The following KIAA1549L variants were observed in gnomAD, a reference collection of about 807,000 sequenced individuals.
KIAA1549L encodes the protein UPF0606 protein KIAA1549L.
Under a neutral mutation model 160.7 loss-of-function variants are expected in KIAA1549L, and 88 were observed. The observed-to-expected ratio is 0.55, with a 90% CI of 0.46 to 0.65. The LOEUF (loss-of-function observed/expected upper bound fraction) is 0.65, where lower values mean the gene tolerates loss of function less well. KIAA1549L is among the 30% of genes least tolerant of loss of function. KIAA1549L has a pLI of 0.00. For synonymous variants in KIAA1549L, 950 were observed against 976.7 expected, an observed-to-expected ratio of 0.97 and a Z score of 0.51; for missense variants, 2,258 against 2,437.5, an observed-to-expected ratio of 0.93 and a Z score of 1.55.
At chr11:33,502,687 T>C (rs751897378) in intron 1 of KIAA1549L, among the ~76,000 whole-genome samples, 5 of 152,212 alleles carry the variant, frequency 3.3e-5, no homozygotes, top group African/African-American at 4.8e-5. Context: ...TACCAAAATA[T>C]GCTTCATGGA....
At chr11:33,552,609 A>G (rs1854498977) in intron 6 of KIAA1549L, among the ~76,000 whole-genome samples, 1 of 149,548 alleles carries the variant, frequency 6.7e-6, no homozygotes, top group Non-Finnish European at 1.5e-5. Flanking sequence ...CTGTGATTTT[A>G]TGCATTGGCT....
At chr11:33,600,507 G>C (rs954856676) in intron 13 of KIAA1549L, among the ~76,000 whole-genome samples, 3 of 151,958 alleles carry the variant, frequency 2.0e-5, no homozygotes, top group African/African-American at 7.3e-5. Flanking sequence ...ATCCAAGATG[G>C]TGCTTCCCGC....
At chr11:33,601,935 G>A (rs1381710438) in intron 13 of KIAA1549L, among the ~76,000 whole-genome samples, 1 of 152,150 alleles carries the variant, frequency 6.6e-6, no homozygotes, top group East Asian at 1.9e-4. Context: ...ATGAGAGCTA[G>A]GATTTTGAAA....
At chr11:33,480,882 T>C (rs1852397972) in intron 1 of KIAA1549L, among the ~76,000 whole-genome samples, 1 of 152,182 alleles carries the variant, frequency 6.6e-6, no homozygotes, top group South Asian at 2.1e-4. Context: ...GGACATCACG[T>C]GGATGTAGGA....
At chr11:33,576,020 G>C (rs548015300) in intron 10 of KIAA1549L, among the ~76,000 whole-genome samples, 22 of 152,290 alleles carry the variant, frequency 1.4e-4, no homozygotes, top group African/African-American at 5.3e-4. Flanking sequence ...TGGTGAGGAG[G>C]CTCTGTGGCG....
chr11:33,594,668 C>T (rs1201936961), intron 12 of KIAA1549L, among the ~76,000 whole-genome samples: 1 of 152,190 alleles, frequency 6.6e-6, no homozygotes, highest in Non-Finnish European at 1.5e-5. Context: ...GTCTCATGGT[C>T]AAGTCCAGAC....
chr11:33,409,633 C>G (rs1052924056), intron 1 of KIAA1549L, among the ~76,000 whole-genome samples: 2 of 152,176 alleles, frequency 1.3e-5, no homozygotes, highest in African/African-American at 4.8e-5. Context: ...TTTTTCCTTT[C>G]TCTTCTCACT....
In KIAA1549L at chr11:33,545,341, G is replaced by A. The variant is rs768028202; in HGVS notation, c.3348G>A (p.Leu1116=). 21 of 1,611,970 alleles carry A rather than the reference G, an allele frequency of 1.3e-5. No homozygotes were observed. The East Asian group carries it at 1.6e-4, about 12-fold the overall frequency. Residue 1116 remains leucine (L), a synonymous_variant, in exon 3 of 21, where the codon CTG becomes CTA. Transcript: ENST00000658780. The part of the protein sequence containing the change: ...VVTTGKMASN[L]ECQMSSKLLV... ...CGACTGGCAAAATGGCATCCAACCTGGAGTGTCAGATGTCCAGTAAGCTCC... is the reference window on the plus strand; with the variant it reads ...CGACTGGCAAAATGGCATCCAACCTAGAGTGTCAGATGTCCAGTAAGCTCC...
rs565787849 is a variant in KIAA1549L at position 33,524,255 on chromosome 11, G to T, written c.239-17547G>T. On this transcript the variant is annotated intron_variant, in intron 1 of 20. Coordinates refer to ENST00000658780, the MANE Select transcript of KIAA1549L (RefSeq NM_012194.3). ...TTTGCCAGAGTTGCAGGTGGAATTC[G>T]CTCATAATTATTTTATTTTCTTCTT... Among the ~76,000 whole-genome samples, 162 of 152,024 alleles carry T rather than the reference G, an allele frequency of 1.1e-3. 1 individual carries two copies. The highest frequency in any genetic ancestry group is 1.6e-4 in the Non-Finnish European group (11 of 67,944).
chr11:33,405,065 C>A (rs1850617235), intron 1 of KIAA1549L, among the ~76,000 whole-genome samples: 1 of 149,236 alleles, frequency 6.7e-6, no homozygotes, highest in South Asian at 2.1e-4. Context: ...GATAAAATAA[C>A]CCAGAAAATG....
intron 1 of KIAA1549L, among the ~76,000 whole-genome samples, chr11:33,513,242 A>G (rs1283192211): frequency 1.3e-5 from 2 of 152,186 alleles, no homozygotes; most frequent in Non-Finnish European, 2.9e-5. Context: ...TAAATAGAAG[A>G]TTTGGTGGTA....
At chr11:33,530,426 AAAAAAAAAAAAT>A (rs1853721556) in intron 1 of KIAA1549L, among the ~76,000 whole-genome samples, 5 of 65,490 alleles carry the variant, frequency 7.6e-5, no homozygotes, top group East Asian at 7.8e-4. Flanking sequence ...AAAAAAAAAA[AAAAAAAAAAAAT>A]ATATATATAT....
intron 1 of KIAA1549L, among the ~76,000 whole-genome samples, chr11:33,442,186 C>G (rs1272417003): frequency 1.3e-5 from 2 of 152,146 alleles, no homozygotes; most frequent in African/African-American, 4.8e-5. Context: ...GAATCCTTTC[C>G]CCATTTCTTG....
intron 15 of KIAA1549L, among the ~76,000 whole-genome samples, chr11:33,617,550 T>A (rs1315901079): frequency 2.6e-5 from 4 of 152,188 alleles, no homozygotes; most frequent in African/African-American, 4.8e-5. Flanking sequence ...AATTGTCACC[T>A]CCCCAGAGAG....
At chr11:33,601,904 A>G (rs1015457116) in intron 13 of KIAA1549L, among the ~76,000 whole-genome samples, 5 of 152,232 alleles carry the variant, frequency 3.3e-5, no homozygotes, top group Non-Finnish European at 7.3e-5. Flanking sequence ...TGATGCTTAC[A>G]TGTAAGTGGG....
intron 20 of KIAA1549L, among the ~76,000 whole-genome samples, chr11:33,664,762 C>G (rs1469350304): frequency 2.6e-5 from 4 of 152,206 alleles, no homozygotes; most frequent in Admixed American, 1.3e-4. Context: ...ACTTTGCAGC[C>G]TCTAGAACTG....
At chr11:33,515,258 A>C (rs1853318564) in intron 1 of KIAA1549L, among the ~76,000 whole-genome samples, 1 of 152,186 alleles carries the variant, frequency 6.6e-6, no homozygotes, top group South Asian at 2.1e-4. Flanking sequence ...TCTTCCCCCT[A>C]CAGCTCCTGG....
intron 6 of KIAA1549L, among the ~76,000 whole-genome samples, chr11:33,553,844 A>T (rs1446108820): frequency 1.3e-5 from 2 of 152,196 alleles, no homozygotes; most frequent in Non-Finnish European, 2.9e-5. Context: ...TGGCCTTAAG[A>T]AGCCTCCTTG....
At chr11:33,629,327 G>A (rs1851209724) in intron 16 of KIAA1549L, among the ~76,000 whole-genome samples, 1 of 152,092 alleles carries the variant, frequency 6.6e-6, no homozygotes, top group Admixed American at 6.5e-5. Flanking sequence ...GAATCTGAAT[G>A]TTGGCCTGCC....
Sources: gnomAD v4.1 joint callset for allele counts (sites outside exome capture counted in the v4.1 genomes callset) on GRCh38, gnomAD v4.1.1 for gene constraint, MANE v1.5 for transcripts, NCBI Gene and HGNC (gene_info 2026-07-23, HGNC 2026-07-21) for gene names.